MOSPD1: variants seen among roughly 807,000 people sequenced by gnomAD.
MOSPD1 encodes motile sperm domain containing 1.
Under a neutral mutation model 16.7 loss-of-function variants are expected in MOSPD1, and 5 were observed. The ratio of observed to expected loss-of-function variants is 0.30; its 90% CI spans 0.16 to 0.63. MOSPD1 has a LOEUF of 0.63. Among genes scored for constraint, MOSPD1 ranks in the 30% least tolerant of loss-of-function variants. The probability of loss-of-function intolerance (pLI) is 0.82; values close to 1 mark genes in which losing one functional copy is unlikely to be tolerated. For missense variants in MOSPD1, 104 were observed against 153.6 expected (o/e 0.68, Z 1.71); for synonymous variants, 67 against 59.2 (o/e 1.13, Z -0.61).
chrX:134,896,777 G>A lies in MOSPD1; in HGVS notation c.448+40C>T, dbSNP rs775002252. Reference sequence around the variant, plus strand: ...CTGATTATTTTAAAGTTAATAATGTGTAAGACCTCAAAAGGGCTTTAAAAA... The same window carrying A: ...CTGATTATTTTAAAGTTAATAATGTATAAGACCTCAAAAGGGCTTTAAAAA... On this transcript the variant is annotated intron_variant, in intron 4 of 5. Coordinates refer to ENST00000370783, the MANE Select transcript of MOSPD1 (RefSeq NM_019556.3). The A allele has an allele frequency of 4.0e-6, 4 of 1,009,431 alleles. No individual in the cohort carries two copies. The East Asian group carries it at 9.1e-5, about 23-fold the overall frequency. The allele number at this position is 1,009,431 out of a possible 1,213,427, so 83.2% of individuals were successfully genotyped here.
chrX:134,889,217 G>A, intron 5 of MOSPD1, 25 bp from the exon 6 acceptor site: 1 of 1,150,162 alleles, frequency 8.7e-7, no homozygotes, highest in Non-Finnish European at 1.2e-6. Flanking sequence ...ATGGAGAACA[G>A]TTAAAGGTAT....
chrX:134,906,174 C>CTTTTTTTTTTTTTTTT (rs765109385), intron 1 of MOSPD1, among the ~76,000 whole-genome samples: 1 of 56,658 alleles, frequency 1.8e-5, no homozygotes, highest in African/African-American at 9.0e-5. Flanking sequence ...CCATTTATCA[C>CTTTTTTTTTTTTTTTT]TTTTTTTTTT....
At chrX:134,910,001 T>G (rs1329338310) in intron 1 of MOSPD1, among the ~76,000 whole-genome samples, 1 of 112,103 alleles carries the variant, frequency 8.9e-6, no homozygotes, top group African/African-American at 3.2e-5. Flanking sequence ...GTTTCCATGT[T>G]TTACAACATC....
At position 134,889,180 on chromosome X, in the gene MOSPD1, A is replaced by G. The variant is rs780137334; in HGVS notation, c.623T>C (p.Met208Thr). Residue 208 changes from methionine (M) to threonine (T), a missense_variant, in exon 6 of 6, where the codon ATG (methionine) becomes ACG (threonine). Met to Thr is a moderately conservative substitution (Grantham distance 81, BLOSUM62 -1). Around this residue, in one of 3 missense-constraint regions of MOSPD1, gnomAD observed 15 missense variants for 27.9 expected, o/e 0.54. Coordinates refer to ENST00000370783, the MANE Select transcript of MOSPD1 (RefSeq NM_019556.3). ...CCTTGCTCATGTTCTAAGTATGGCC[A>G]TTGTGATAAGACCTGAAAGAAGAAA... ...VAAYILGLIT[M>T]AILRT 6.7e-6 allele frequency: 8 copies of G among 1,194,464 alleles called. No homozygotes were observed. Among genetic ancestry groups the G allele is most frequent in the South Asian group, 5.5e-5 (3 of 54,092 alleles).
intron 5 of MOSPD1, among the ~76,000 whole-genome samples, chrX:134,891,217 G>A (rs1436744727): frequency 2.7e-5 from 3 of 110,708 alleles, no homozygotes; most frequent in Admixed American, 1.9e-4. Flanking sequence ...GAATGCATGC[G>A]TCTTACATTT....
chrX:134,900,073 T>C (rs1439681097), intron 1 of MOSPD1: 1 of 112,442 alleles, frequency 8.9e-6, no homozygotes. Context: ...ATTGAGGATT[T>C]TAACCTATGA....
At chrX:134,906,398 C>T (rs774992355) in intron 1 of MOSPD1, among the ~76,000 whole-genome samples, 3 of 107,336 alleles carry the variant, frequency 2.8e-5, no homozygotes, top group African/African-American at 1.0e-4. Context: ...GCTGGCCAGG[C>T]TGGTCTTGAA....
At chrX:134,904,640 T>A (rs1441749707) in intron 1 of MOSPD1, among the ~76,000 whole-genome samples, 5 of 110,605 alleles carry the variant, frequency 4.5e-5, no homozygotes, top group African/African-American at 1.6e-4. Context: ...GGTGGGCGGA[T>A]CACCTGAGGT....
At chrX:134,906,465 T>C (rs1780296894) in intron 1 of MOSPD1, among the ~76,000 whole-genome samples, 1 of 109,690 alleles carries the variant, frequency 9.1e-6, no homozygotes, top group Non-Finnish European at 1.9e-5. Flanking sequence ...ATTACAGGCA[T>C]GAGCCACCGC....
chrX:134,902,849 C>CAAAA (rs779709545), intron 1 of MOSPD1, among the ~76,000 whole-genome samples: 1 of 65,335 alleles, frequency 1.5e-5, no homozygotes, highest in Non-Finnish European at 3.0e-5. Context: ...TGGGTTTATA[C>CAAAA]AAAAAAAAAA....
At chrX:134,898,921 T>C (rs966486119) in intron 3 of MOSPD1, 169 bp downstream of exon 3, 237 of 425,489 alleles carry the variant, frequency 5.6e-4, no homozygotes, top group Non-Finnish European at 1.9e-4. Flanking sequence ...ATTAAGTATT[T>C]GGCCGAATCT....
At chrX:134,902,367 G>C (rs949895942) in intron 1 of MOSPD1, among the ~76,000 whole-genome samples, 7 of 104,437 alleles carry the variant, frequency 6.7e-5, no homozygotes, top group African/African-American at 2.5e-4. Context: ...AGATCGCTGG[G>C]CAACAAGAGC....
In MOSPD1 at chrX:134,907,800, G is replaced by A. The variant is rs751509387; in HGVS notation, c.-102+7382C>T. On this transcript the variant is annotated intron_variant, in intron 1 of 5. Transcript: ENST00000370783. ...GAGAATTGCTTGAACCAGGAAGACG[G>A]AGGTTGCACCCAGGCTGGAGTGCAT... 2.7e-5 allele frequency among the ~76,000 whole-genome samples: 3 copies of A among 112,958 alleles called. No individual in the cohort carries two copies. The East Asian group carries it at 8.4e-4, about 32-fold the overall frequency.
intron 3 of MOSPD1, among the ~76,000 whole-genome samples, chrX:134,897,545 T>TC (rs2082891324): frequency 1.4e-5 from 1 of 72,149 alleles, no homozygotes; most frequent in Non-Finnish European, 2.4e-5. Context: ...CTCTGTCTTA[T>TC]TAAAAAAAAA....
At chrX:134,904,719 G>A (rs749311209) in intron 1 of MOSPD1, among the ~76,000 whole-genome samples, 12 of 110,265 alleles carry the variant, frequency 1.1e-4, no homozygotes, top group African/African-American at 2.0e-4. Flanking sequence ...AAAATTAGCC[G>A]GGCGTGGTGG....
chrX:134,893,139 T>A (rs981129080), intron 4 of MOSPD1, among the ~76,000 whole-genome samples: 2 of 111,765 alleles, frequency 1.8e-5, no homozygotes, highest in African/African-American at 6.5e-5. Flanking sequence ...AAATTATTAA[T>A]ACCTTAGCTG....
chrX:134,897,501 A>C lies in MOSPD1; in HGVS notation c.231-467T>G, dbSNP rs974312794. Among the ~76,000 whole-genome samples the C allele has an allele frequency of 5.7e-5, 6 of 104,683 alleles. No homozygotes were observed. In the East Asian group the frequency reaches 1.8e-3, roughly 31 times the overall value. 90.9% of individuals were successfully genotyped at this position (104,683 alleles called of 115,157 possible). On this transcript the variant is annotated intron_variant, in intron 3 of 5. Transcript: ENST00000370783. ...AAGCCCAAGAGGTTGAGGCTGCACTAAGCTATGATCGCTGCCATAGCAAGA... is the reference window on the plus strand; with the variant it reads ...AAGCCCAAGAGGTTGAGGCTGCACTCAGCTATGATCGCTGCCATAGCAAGA...
At chrX:134,908,465 CCTT>C (rs2082954434) in intron 1 of MOSPD1, among the ~76,000 whole-genome samples, 1 of 111,514 alleles carries the variant, frequency 9.0e-6, no homozygotes, top group South Asian at 3.8e-4. Context: ...CCCCTCCCCT[CCTT>C]CTGTTTCCCT....
chrX:134,891,770 T>C, intron 4 of MOSPD1, 130 bp from the exon 5 acceptor site: 5 of 661,385 alleles, frequency 7.6e-6, no homozygotes, highest in East Asian at 3.6e-5. Flanking sequence ...CCCATCATTT[T>C]TTCCATCTGA....
Sources: allele counts gnomAD v4.1 joint callset (sites outside exome capture counted in the v4.1 genomes callset), GRCh38; gene constraint gnomAD v4.1.1; regional missense constraint gnomAD v4.1.1; transcripts MANE v1.5; gene names NCBI Gene and HGNC (gene_info 2026-07-23, HGNC 2026-07-21).